NFIA: variants seen among roughly 807,000 people sequenced by gnomAD.
NFIA encodes nuclear factor I A, also known as nuclear factor 1 A-type.
Under a neutral mutation model 62.8 loss-of-function variants are expected in NFIA, and 8 were observed. That is an observed-to-expected ratio of 0.13 (90% CI 0.07 to 0.23). NFIA has a LOEUF of 0.23. NFIA is among the 10% of genes least tolerant of loss of function. The pLI is 1.00. For missense variants in NFIA, 410 were observed against 642.1 expected, an observed-to-expected ratio of 0.64 and a Z score of 3.91; for synonymous variants, 235 against 238.1, an observed-to-expected ratio of 0.99 and a Z score of 0.12.
intron 2 of NFIA, among the ~76,000 whole-genome samples, chr1:61,102,139 G>A (rs1468884492): frequency 5.9e-5 from 9 of 152,142 alleles, no homozygotes; most frequent in Non-Finnish European, 2.9e-5. Flanking sequence ...AATGGCATGG[G>A]ATTGTCATAG....
chr1:61,449,140 A>G (rs528436270), intron 10 of NFIA, among the ~76,000 whole-genome samples: 13 of 152,310 alleles, frequency 8.5e-5, no homozygotes, highest in African/African-American at 2.9e-4. Context: ...GTTGGCCGCA[A>G]CTGGCCCCGC....
At chr1:61,162,692 G>A (rs1394958652) in intron 2 of NFIA, among the ~76,000 whole-genome samples, 3 of 152,194 alleles carry the variant, frequency 2.0e-5, no homozygotes, top group Non-Finnish European at 1.5e-5. Flanking sequence ...CATGGAGGGT[G>A]GAACATTCTG....
intron 8 of NFIA, among the ~76,000 whole-genome samples, chr1:61,404,888 A>G (rs546213397): frequency 2.6e-5 from 4 of 152,336 alleles, no homozygotes; most frequent in Admixed American, 2.0e-4. Flanking sequence ...TTTTCCTCAA[A>G]TAAACCAAAT....
intron 10 of NFIA, among the ~76,000 whole-genome samples, chr1:61,452,411 A>G (rs892734586): frequency 6.6e-6 from 1 of 152,194 alleles, no homozygotes; most frequent in Non-Finnish European, 1.5e-5. Context: ...GTTAATTGTC[A>G]TGAAGATTAG....
Position 61,397,544 on chromosome 1 carries a change from A to G in NFIA, c.1076-6560A>G, listed in dbSNP as rs1665340128. On this transcript the variant is annotated intron_variant, in intron 7 of 10. Transcript: ENST00000403491. ...ATTGCCTATCCCATTCTTGTCTATG[A>G]TAGTACTATCATACTACAAAAGAAG... Among the ~76,000 whole-genome samples the G allele has an allele frequency of 2.0e-5, 3 of 152,260 alleles. No individual in the cohort carries two copies. In the Middle Eastern group the frequency reaches 0.01, roughly 518 times the overall value.
intron 2 of NFIA, among the ~76,000 whole-genome samples, chr1:61,217,048 TTTTTTTC>T (rs1653674454): frequency 1.3e-5 from 2 of 150,816 alleles, no homozygotes; most frequent in African/African-American, 4.9e-5. Context: ...ATTAAACTTT[TTTTTTTC>T]TTTTTTCTTT....
chr1:61,292,151 T>A (rs1455747191), intron 3 of NFIA, among the ~76,000 whole-genome samples: 1 of 152,168 alleles, frequency 6.6e-6, no homozygotes, highest in Non-Finnish European at 1.5e-5. Context: ...CTTATCGTTT[T>A]TCAAAGACGA....
chr1:61,395,284 G>A (rs1444310861), intron 7 of NFIA, among the ~76,000 whole-genome samples: 1 of 113,030 alleles, frequency 8.8e-6, no homozygotes, highest in African/African-American at 3.6e-5. Context: ...CTGTGTGTGT[G>A]TGTGTTTTTT....
intron 3 of NFIA, among the ~76,000 whole-genome samples, chr1:61,314,014 G>A (rs1660244166): frequency 6.6e-6 from 1 of 152,212 alleles, no homozygotes; most frequent in African/African-American, 2.4e-5. Context: ...GCAAAGCTGA[G>A]GAGAATATCT....
intron 3 of NFIA, among the ~76,000 whole-genome samples, chr1:61,320,047 G>A (rs1191101629): frequency 6.6e-6 from 1 of 151,832 alleles, no homozygotes; most frequent in Non-Finnish European, 1.5e-5. Context: ...CAGTTAAAAG[G>A]TTATGCTGAT....
At chr1:61,292,997 T>A (rs1658985033) in intron 3 of NFIA, among the ~76,000 whole-genome samples, 2 of 152,342 alleles carry the variant, frequency 1.3e-5, no homozygotes, top group Non-Finnish European at 2.9e-5. Context: ...CTGTCTGATC[T>A]ACCTGTAGAA....
chr1:61,184,574 G>A (rs549684011), intron 2 of NFIA, among the ~76,000 whole-genome samples: 1 of 152,362 alleles, frequency 6.6e-6, no homozygotes, highest in South Asian at 2.1e-4. Context: ...CACACTCGCT[G>A]GGTGAGAAGA....
At position 61,457,560 on chromosome 1, in the gene NFIA, C is replaced by T. The variant is rs1668362374; in HGVS notation, c.*2240C>T. On this transcript the variant is annotated 3_prime_UTR_variant, in exon 11 of 11. Coordinates refer to ENST00000403491, the MANE Select transcript of NFIA (RefSeq NM_001134673.4). This position sits in a 1 kb window ranked among gnomAD's most constrained non-coding sequence, Gnocchi z 4.2. ...TTATTTGGAGTCTTCCTTTATTTTC[C>T]CCCAGATATATGAAAATATGCAATA... is the stretch of plus-strand genomic sequence containing the variant. The T allele has an allele frequency of 6.6e-6, 1 of 152,160 alleles. No homozygotes were observed. The highest frequency in any genetic ancestry group is 6.5e-5 in the Admixed American group (1 of 15,294). The allele number at this position is 152,160 out of a possible 1,614,324, so 9.4% of individuals were successfully genotyped here. A position where few individuals can be genotyped will look rare whatever the true frequency, so the allele number is the denominator to read the frequency against.
At chr1:61,188,198 C>G (rs1264970408) in intron 2 of NFIA, among the ~76,000 whole-genome samples, 1 of 151,968 alleles carries the variant, frequency 6.6e-6, no homozygotes, top group Non-Finnish European at 1.5e-5. Flanking sequence ...AGGTGCGCGC[C>G]CCCACGCCAG....
chr1:61,397,720 C>T (rs1665349816), intron 7 of NFIA, among the ~76,000 whole-genome samples: 1 of 152,190 alleles, frequency 6.6e-6, no homozygotes, highest in Non-Finnish European at 1.5e-5. Flanking sequence ...CAACCTGAAG[C>T]ATAGCTCGTG....
chr1:61,408,181 T>TA, intron 9 of NFIA, among the ~76,000 whole-genome samples: 1 of 152,306 alleles, frequency 6.6e-6, no homozygotes. Flanking sequence ...AGGGGCAATC[T>TA]AGGGAAGACC....
At chr1:61,352,754 AATACAC>A (rs1201168119) in intron 5 of NFIA, among the ~76,000 whole-genome samples, 187 bp downstream of exon 5, 1 of 60,278 alleles carries the variant, frequency 1.7e-5, no homozygotes. Flanking sequence ...GGCAAGATTA[AATACAC>A]ACACACACAC....
At chr1:61,383,578 C>G (rs974652747) in intron 7 of NFIA, among the ~76,000 whole-genome samples, 4 of 152,202 alleles carry the variant, frequency 2.6e-5, no homozygotes, top group African/African-American at 9.6e-5. Context: ...GAGACCAAAT[C>G]TGTTTTTTGT....
intron 9 of NFIA, among the ~76,000 whole-genome samples, chr1:61,423,087 A>G (rs1666708149): frequency 6.6e-6 from 1 of 152,042 alleles, no homozygotes; most frequent in Non-Finnish European, 1.5e-5. Flanking sequence ...CCAAACTAAG[A>G]CTCTTGGATA....
Sources: gnomAD v4.1 joint callset for allele counts (sites outside exome capture counted in the v4.1 genomes callset) on GRCh38, gnomAD v4.1.1 for gene constraint, Gnocchi (gnomAD v3.1) non-coding constraint, MANE v1.5 for transcripts, NCBI Gene and HGNC (gene_info 2026-07-23, HGNC 2026-07-21) for gene names.